OTUD7A: variants seen among roughly 807,000 people sequenced by gnomAD.
OTUD7A encodes OTU deubiquitinase 7A.
In OTUD7A, 12 loss-of-function variants were observed where a neutral mutation model predicts 65.7. That is an observed-to-expected ratio of 0.18 (90% CI 0.12 to 0.30). The LOEUF is 0.30. Ranked by LOEUF, OTUD7A falls within the 10% of genes least tolerant of loss-of-function variation. The pLI is 1.00. For synonymous variants in OTUD7A, 641 were observed against 586.3 expected (o/e 1.09, Z -1.35); for missense variants, 1,148 against 1,304.8 (o/e 0.88, Z 1.85).
chr15:31,616,597 T>C (rs1890594644), intron 3 of OTUD7A, among the ~76,000 whole-genome samples: 1 of 152,110 alleles, frequency 6.6e-6, no homozygotes, highest in Non-Finnish European at 1.5e-5. Flanking sequence ...CAAGCTGGAG[T>C]GCAGTGGCGC....
intron 4 of OTUD7A, among the ~76,000 whole-genome samples, chr15:31,559,831 C>T (rs554121944): frequency 1.3e-5 from 2 of 152,304 alleles, no homozygotes; most frequent in African/African-American, 4.8e-5. Flanking sequence ...CGTACACATA[C>T]ATGTGTGCAC....
intron 3 of OTUD7A, among the ~76,000 whole-genome samples, chr15:31,632,400 A>G (rs1566952664): frequency 6.6e-6 from 1 of 152,238 alleles, no homozygotes; most frequent in Non-Finnish European, 1.5e-5. Flanking sequence ...GCTGCAGAAC[A>G]GCGGTGCCTG....
At chr15:31,719,466 A>T (rs931031194) in intron 1 of OTUD7A, among the ~76,000 whole-genome samples, 4 of 151,910 alleles carry the variant, frequency 2.6e-5, no homozygotes, top group African/African-American at 9.7e-5. Flanking sequence ...GCAGGAGTCA[A>T]CTTTAACATT....
intron 10 of OTUD7A, among the ~76,000 whole-genome samples, chr15:31,494,734 C>T (rs1024231772): frequency 8.5e-5 from 13 of 152,212 alleles, no homozygotes; most frequent in African/African-American, 2.9e-4. Flanking sequence ...AGAGCAGAAC[C>T]AGGATGTCAC....
intron 1 of OTUD7A, among the ~76,000 whole-genome samples, chr15:31,750,100 G>T (rs1894589748): frequency 6.6e-6 from 1 of 152,130 alleles, no homozygotes; most frequent in South Asian, 2.1e-4. Context: ...TCATGAATTG[G>T]ATGAATCAAT....
chr15:31,552,472 T>C (rs1888355811), intron 5 of OTUD7A, among the ~76,000 whole-genome samples: 2 of 152,204 alleles, frequency 1.3e-5, no homozygotes, highest in South Asian at 4.1e-4. Flanking sequence ...TACCACTCTA[T>C]GAAAATAAAA....
At chr15:31,486,634 T>C (rs1313124742) in intron 12 of OTUD7A, among the ~76,000 whole-genome samples, 1 of 152,034 alleles carries the variant, frequency 6.6e-6, no homozygotes, top group Non-Finnish European at 1.5e-5. Context: ...GGCAGCCTCA[T>C]GGGGCGTAGG....
intron 1 of OTUD7A, among the ~76,000 whole-genome samples, chr15:31,698,548 C>T (rs894213278): frequency 6.6e-6 from 1 of 152,098 alleles, no homozygotes; most frequent in African/African-American, 2.4e-5. Context: ...GCCCAGCAAG[C>T]TGTGTTTGCA....
intron 4 of OTUD7A, among the ~76,000 whole-genome samples, chr15:31,561,784 T>TCACACACACACACACAAA (rs1555396644): frequency 6.6e-6 from 1 of 150,424 alleles, no homozygotes; most frequent in African/African-American, 2.4e-5. Context: ...ACACACAGAG[T>TCACACACACACACACAAA]CACACACACA....
At chr15:31,520,085 C>G (rs28799611) in intron 8 of OTUD7A, among the ~76,000 whole-genome samples, 27,803 of 152,062 alleles carry the variant, frequency 0.18, 3,035 homozygotes, top group East Asian at 0.37. Flanking sequence ...TCTACAGATT[C>G]AATACAATCC....
At chr15:31,731,571 G>A (rs1290784229) in intron 1 of OTUD7A, among the ~76,000 whole-genome samples, 1 of 152,234 alleles carries the variant, frequency 6.6e-6, no homozygotes, top group Non-Finnish European at 1.5e-5. Context: ...AACAGGTGGA[G>A]CACAGAGGAT....
intron 1 of OTUD7A, among the ~76,000 whole-genome samples, chr15:31,845,213 C>G (rs1334101602): frequency 6.6e-6 from 1 of 152,176 alleles, no homozygotes; most frequent in Non-Finnish European, 1.5e-5. Context: ...CACTGGGCAT[C>G]CTCTCACCTG....
chr15:31,712,947 T>C (rs569072606), intron 1 of OTUD7A, among the ~76,000 whole-genome samples: 77 of 152,186 alleles, frequency 5.1e-4, no homozygotes, highest in Middle Eastern at 3.4e-3. Context: ...CCTAGCTCAT[T>C]CCTTCCTAAC....
chr15:31,547,881 C>A (rs538057820), intron 5 of OTUD7A, among the ~76,000 whole-genome samples: 18 of 152,264 alleles, frequency 1.2e-4, no homozygotes, highest in African/African-American at 3.9e-4. Flanking sequence ...CAGCTGTAGA[C>A]AAATCAGCTT....
At chr15:31,698,522 T>G (rs1893136366) in intron 1 of OTUD7A, among the ~76,000 whole-genome samples, 3 of 152,100 alleles carry the variant, frequency 2.0e-5, no homozygotes, top group Admixed American at 2.0e-4. Context: ...CCTGCTGAGT[T>G]GGAAGTGGGG....
rs187296755 is a variant in OTUD7A at position 31,505,097 on chromosome 15, T to C, written c.894-1279A>G. ...CTTGCTCGCAGTTTTGTTATGAGAG[T>C]ATATTGAATAAAGGAGATAAGGTTA... On this transcript the variant is annotated intron_variant, in intron 8 of 12. Coordinates refer to ENST00000307050, the MANE Select transcript of OTUD7A (RefSeq NM_001382637.1). 1.2e-4 allele frequency among the ~76,000 whole-genome samples: 19 copies of C among 152,252 alleles called. No homozygotes were observed. In the East Asian group the frequency reaches 3.1e-3, roughly 25 times the overall value.
At chr15:31,701,117 G>A (rs1255814723) in intron 1 of OTUD7A, among the ~76,000 whole-genome samples, 2 of 152,170 alleles carry the variant, frequency 1.3e-5, no homozygotes, top group Non-Finnish European at 2.9e-5. Flanking sequence ...AGGAACTGTC[G>A]CAGATTAAAA....
At position 31,556,706 on chromosome 15, in the gene OTUD7A, C is replaced by T. The variant is rs559576692; in HGVS notation, c.550+2263G>A. The T allele has an allele frequency of 3.9e-5, 6 of 152,344 alleles. No homozygotes were observed. In the East Asian group the frequency reaches 5.8e-4, roughly 15 times the overall value. The allele number at this position is 152,344 out of a possible 1,614,324, so 9.4% of individuals were successfully genotyped here. On this transcript the variant is annotated intron_variant, in intron 5 of 12. Coordinates refer to ENST00000307050, the MANE Select transcript of OTUD7A (RefSeq NM_001382637.1). ...CACTCAGGCAGCTGCTATGATCACCCAAGCTATTAGCAATCGTCAGTGCTG... is the reference window on the plus strand; with the variant it reads ...CACTCAGGCAGCTGCTATGATCACCTAAGCTATTAGCAATCGTCAGTGCTG...
intron 3 of OTUD7A, among the ~76,000 whole-genome samples, chr15:31,644,077 G>A (rs2141265126): frequency 6.6e-6 from 1 of 152,146 alleles, no homozygotes; most frequent in East Asian, 1.9e-4. Flanking sequence ...AAAGCAACGT[G>A]GAGTAGCTCA....
Sources: allele counts gnomAD v4.1 joint callset (sites outside exome capture counted in the v4.1 genomes callset), GRCh38; gene constraint gnomAD v4.1.1; transcripts MANE v1.5; gene names NCBI Gene and HGNC (gene_info 2026-07-23, HGNC 2026-07-21).